The following ANXA8 variants were observed in gnomAD, a reference collection of about 807,000 sequenced individuals.
ANXA8 encodes VAC-beta.
A neutral mutation model predicts 26.8 loss-of-function variants in ANXA8; 9 were observed. That is an observed-to-expected ratio of 0.34 (90% CI 0.20 to 0.59). ANXA8 has a LOEUF of 0.59. Ranked by LOEUF, ANXA8 falls within the 20% of genes least tolerant of loss-of-function variation. The pLI is 0.84. For synonymous variants in ANXA8, 39 were observed against 94.8 expected, an observed-to-expected ratio of 0.41 and a Z score of 3.42; for missense variants, 83 against 238.5, an observed-to-expected ratio of 0.35 and a Z score of 4.29.
the ANXA8 span, among the ~76,000 whole-genome samples, chr10:47,557,445 A>G: frequency 6.6e-6 from 1 of 150,862 alleles, no homozygotes; most frequent in African/African-American, 2.4e-5. Flanking sequence ...CCTGCTTCTA[A>G]CCTTCCTCTC....
chr10:47,589,336 G>T, the ANXA8 span: 1 of 146,988 alleles, frequency 6.8e-6, no homozygotes, highest in African/African-American at 2.7e-5. Context: ...TTTCTGGCTG[G>T]ACTCCAGGCT....
the ANXA8 span, among the ~76,000 whole-genome samples, chr10:47,721,464 T>G: frequency 2.1e-5 from 3 of 140,016 alleles, no homozygotes; most frequent in African/African-American, 7.7e-5. Context: ...TGCTAGTTTG[T>G]TGTCTTACTA....
chr10:47,733,189 CT>C, the ANXA8 span, among the ~76,000 whole-genome samples: 1 of 115,824 alleles, frequency 8.6e-6, no homozygotes. Context: ...TTCTTTCTTT[CT>C]TTCTTTCTTT....
chr10:47,533,185 T>TCACACACACACACACA, the ANXA8 span, among the ~76,000 whole-genome samples: 13 of 102,462 alleles, frequency 1.3e-4, no homozygotes, highest in African/African-American at 4.8e-4. Flanking sequence ...TAAACACACA[T>TCACACACACACACACA]CACACACACA....
the ANXA8 span, among the ~76,000 whole-genome samples, chr10:47,946,968 G>C: frequency 1.3e-5 from 2 of 150,374 alleles, no homozygotes; most frequent in Non-Finnish European, 2.9e-5. Context: ...TGGGATAACG[G>C]GCATGAGCCA....
the ANXA8 span, among the ~76,000 whole-genome samples, chr10:47,944,598 C>A: frequency 3.3e-5 from 5 of 150,420 alleles, no homozygotes; most frequent in African/African-American, 1.2e-4. Context: ...CAGGTCTTTC[C>A]CATACTGTTC....
the ANXA8 span, among the ~76,000 whole-genome samples, chr10:47,671,144 C>T: frequency 2.0e-5 from 3 of 151,852 alleles, no homozygotes; most frequent in Non-Finnish European, 4.4e-5. Context: ...TATATTTTGC[C>T]AGGTGCAGTG....
the ANXA8 span, among the ~76,000 whole-genome samples, chr10:47,967,326 C>A: frequency 6.6e-6 from 1 of 150,988 alleles, no homozygotes; most frequent in South Asian, 2.1e-4. Context: ...GAAAATTTAT[C>A]TACCTCCTGT....
chr10:47,959,465 T>C, the ANXA8 span, among the ~76,000 whole-genome samples: 1 of 149,496 alleles, frequency 6.7e-6, no homozygotes, highest in African/African-American at 2.5e-5. Flanking sequence ...GCTTATTAGG[T>C]TGGGATCAGC....
chr10:47,745,362 T>C, the ANXA8 span, among the ~76,000 whole-genome samples: 2 of 148,740 alleles, frequency 1.3e-5, no homozygotes, highest in African/African-American at 4.9e-5. Context: ...GGAATTATAT[T>C]TCCCTGATAG....
the ANXA8 span, among the ~76,000 whole-genome samples, chr10:47,769,798 C>T: frequency 3.4e-3 from 523 of 152,102 alleles, no homozygotes; most frequent in Middle Eastern, 0.01. Flanking sequence ...TGTACTCCCA[C>T]AGCCTTGCAA....
the ANXA8 span, among the ~76,000 whole-genome samples, chr10:47,733,144 T>TCTTC: frequency 0.036 from 1,279 of 35,292 alleles, no homozygotes; most frequent in Middle Eastern, 0.057. Context: ...AACTCCCTAA[T>TCTTC]CTTTCTTTCT....
chr10:47,733,225 TTCTTTCTC>T, the ANXA8 span, among the ~76,000 whole-genome samples: 284 of 58,302 alleles, frequency 4.9e-3, 8 homozygotes, highest in Admixed American at 0.021. Context: ...TTCTTTCTCT[TTCTTTCTC>T]TCTTTCTTTC....
chr10:47,566,345 G>A, the ANXA8 span, among the ~76,000 whole-genome samples: 96 of 150,484 alleles, frequency 6.4e-4, no homozygotes, highest in African/African-American at 2.0e-3. Flanking sequence ...CATTTGCAGA[G>A]GCTGCCGAGC....
chr10:47,684,837 C>T, the ANXA8 span, among the ~76,000 whole-genome samples: 11 of 150,404 alleles, frequency 7.3e-5, no homozygotes, highest in African/African-American at 9.9e-5. Context: ...CTGCCCACCT[C>T]GGCCTCCCAA....
the ANXA8 span, among the ~76,000 whole-genome samples, chr10:47,719,093 TAA>T: frequency 8.4e-6 from 1 of 119,156 alleles, no homozygotes; most frequent in Non-Finnish European, 1.7e-5. Context: ...GAAAAAAGTT[TAA>T]AAGAGAACAG....
the ANXA8 span, among the ~76,000 whole-genome samples, chr10:47,497,072 G>A: frequency 6.6e-6 from 1 of 151,522 alleles, no homozygotes; most frequent in African/African-American, 2.4e-5. Flanking sequence ...TCTAATCCTA[G>A]CACTTTGGGA....
the ANXA8 span, among the ~76,000 whole-genome samples, chr10:47,979,544 T>C: frequency 6.6e-6 from 1 of 151,646 alleles, no homozygotes; most frequent in African/African-American, 2.4e-5. Flanking sequence ...CCTGGATTGT[T>C]TGGGTGGGCC....
the ANXA8 span, among the ~76,000 whole-genome samples, chr10:47,558,486 C>G: frequency 6.6e-6 from 1 of 151,458 alleles, no homozygotes; most frequent in Admixed American, 6.6e-5. Context: ...CAGTTGATCC[C>G]AGACACTAGT....
Sources: allele counts gnomAD v4.1 joint callset (sites outside exome capture counted in the v4.1 genomes callset), GRCh38; gene constraint gnomAD v4.1.1; transcripts MANE v1.5; gene names NCBI Gene and HGNC (gene_info 2026-07-23, HGNC 2026-07-21).